Variants in POLR3H observed in about 807,000 individuals in gnomAD.
The protein encoded by POLR3H is DNA-directed RNA polymerase III subunit RPC8.
POLR3H carries 17 observed loss-of-function variants against 25.5 expected under a neutral mutation model. The observed-to-expected ratio is 0.67, with a 90% CI of 0.46 to 1.00. The LOEUF (loss-of-function observed/expected upper bound fraction) is 1.00. Among genes scored for constraint, POLR3H ranks in the 50% least tolerant of loss-of-function variants. The pLI is 0.00. For missense variants in POLR3H, 274 were observed against 265.0 expected (o/e 1.03, Z -0.24); for synonymous variants, 129 against 103.0 (o/e 1.25, Z -1.53).
chr22:41,528,385 G>C lies in POLR3H; in HGVS notation c.*898C>G. The C allele has an allele frequency of 6.5e-7, 1 of 1,531,724 alleles. No individual in the cohort carries two copies. Among genetic ancestry groups the C allele is most frequent in the Non-Finnish European group, 8.8e-7 (1 of 1,138,070 alleles). 94.9% of individuals were successfully genotyped at this position (1,531,724 alleles called of 1,614,324 possible). ...TTTGGTTTGCCTGCTGACCTCTTAG[G>C]TCCCCAGGCAGTGCCCTGTCTCCCT... On this transcript the variant is annotated 3_prime_UTR_variant, in exon 6 of 6. Transcript: ENST00000355209.
chr22:41,544,244 G>A lies in POLR3H; in HGVS notation c.-143C>T. On this transcript the variant is annotated 5_prime_UTR_variant, in exon 1 of 6. Coordinates refer to ENST00000355209, the MANE Select transcript of POLR3H (RefSeq NM_001018050.4). Reference sequence around the variant, plus strand: ...GGTGAGGTTGCACGGGGCGGTCTCGGGGGCCCGGTCCGGGCCATGCTCCGC... The same window carrying A: ...GGTGAGGTTGCACGGGGCGGTCTCGAGGGCCCGGTCCGGGCCATGCTCCGC... 3.3e-6 allele frequency: 2 copies of A among 599,470 alleles called. No homozygotes were observed. The highest frequency in any genetic ancestry group is 6.0e-6 in the Non-Finnish European group (2 of 333,782). 37.1% of individuals were successfully genotyped at this position (599,470 alleles called of 1,614,324 possible).
At position 41,529,309 on chromosome 22, in the gene POLR3H, G is replaced by A; in HGVS notation, c.589C>T (p.Leu197Phe). ...VGSISEPGLGLLSWWTSN is the reference protein window; with the variant it reads ...VGSISEPGLGFLSWWTSN ...TAGTTGCTGGTCCACCAGGAGAGAA[G>A]GCCCAGGCCTGGCTCACTGATGGAT... is the stretch of plus-strand genomic sequence containing the variant. Residue 197 changes from leucine to phenylalanine, a missense_variant, in exon 6 of 6, where the codon CTT (leucine) becomes TTT (phenylalanine). Transcript: ENST00000355209. 6.2e-7 allele frequency: 1 copy of A among 1,613,778 alleles called. No homozygotes were observed. The highest frequency in any genetic ancestry group is 8.5e-7 in the Non-Finnish European group (1 of 1,179,904).
chr22:41,530,559 G>T, intron 5 of POLR3H, 128 bp downstream of exon 5: 1 of 847,854 alleles, frequency 1.2e-6, no homozygotes, highest in Non-Finnish European at 1.8e-6. Context: ...GACCAGCCAA[G>T]ACCCCCCAAA....
chr22:41,540,673 A>G (rs1398292343), intron 2 of POLR3H, 26 bp downstream of exon 2: 2 of 1,566,254 alleles, frequency 1.3e-6, no homozygotes, highest in East Asian at 2.2e-5. Context: ...AAGAAGCCCA[A>G]TGCCCCAGGG....
At chr22:41,538,878 G>A (rs1036303334) in intron 2 of POLR3H, among the ~76,000 whole-genome samples, 3 of 152,162 alleles carry the variant, frequency 2.0e-5, no homozygotes, top group Non-Finnish European at 4.4e-5. Flanking sequence ...GGAATGTTCT[G>A]GCATCTCTGT....
In POLR3H at chr22:41,544,375, ACGCCACTCCACGCCC is replaced by A. The variant is rs1335451558; in HGVS notation, c.-289_-275del. 1.2e-5 allele frequency: 4 copies of A among 325,692 alleles called. No homozygotes were observed. Among genetic ancestry groups the A allele is most frequent in the African/African-American group, 4.6e-5 (2 of 43,744 alleles). 20.2% of individuals were successfully genotyped at this position (325,692 alleles called of 1,614,324 possible). On this transcript the variant is annotated 5_prime_UTR_variant, in exon 1 of 6. Transcript: ENST00000355209. ...CCGCCACGCCACGCCACTCCACGCC[ACGCCACTCCACGCCC>A]CGCACCCGCGCCACGTGCCGCCGCT...
chr22:41,529,232 G>A lies in POLR3H; in HGVS notation c.*51C>T, dbSNP rs769261248. 9.2e-6 allele frequency: 14 copies of A among 1,522,378 alleles called. No individual in the cohort carries two copies. The highest frequency in any genetic ancestry group is 1.8e-4 in the Middle Eastern group (1 of 5,490). The allele number at this position is 1,522,378 out of a possible 1,614,324, so 94.3% of individuals were successfully genotyped here. A position where few individuals can be genotyped will look rare whatever the true frequency, so the allele number is the denominator to read the frequency against. ...CTCAGCTGCTGTTGTCTTCACAGCC[G>A]GCCATACCACCTTCCCGCAGGCTGG... On this transcript the variant is annotated 3_prime_UTR_variant, in exon 6 of 6. Coordinates refer to ENST00000355209, the MANE Select transcript of POLR3H (RefSeq NM_001018050.4).
chr22:41,540,852 C>T (rs923350273), intron 1 of POLR3H, 57 bp from the exon 2 acceptor site: 20 of 1,328,518 alleles, frequency 1.5e-5, no homozygotes, highest in Non-Finnish European at 1.9e-5. Context: ...TGACCACAGG[C>T]CCAGCTCCCA....
At position 41,530,745 on chromosome 22, in the gene POLR3H, G is replaced by T; in HGVS notation, c.503C>A (p.Ala168Glu). ...VDTSPTGPSSADATTSSEELP... is the reference protein window; with the variant it reads ...VDTSPTGPSSEDATTSSEELP... ...CTCCTCACTGGAAGTGGTGGCATCT[G>T]CTGAGCTGGGCCCTGTGGGGGACGT... The change falls in exon 5 of 6, where the codon GCA (alanine) becomes GAA (glutamate). Residue 168 changes from alanine (A) to glutamate (E), a missense_variant. Transcript: ENST00000355209. 6.2e-7 allele frequency: 1 copy of T among 1,613,976 alleles called. No individual in the cohort carries two copies. The highest frequency in any genetic ancestry group is 8.5e-7 in the Non-Finnish European group (1 of 1,180,044).
chr22:41,532,985 G>C (rs1389945430), intron 2 of POLR3H, among the ~76,000 whole-genome samples: 3 of 152,204 alleles, frequency 2.0e-5, no homozygotes, highest in African/African-American at 7.2e-5. Context: ...CCTGAGCCCA[G>C]ATTCTGAGCC....
rs151134505 is a variant in POLR3H at position 41,527,276 on chromosome 22, C to T, written c.*2007G>A. 2,265 of 1,614,186 alleles carry T rather than the reference C, an allele frequency of 1.4e-3. 21 individuals carry two copies. The Middle Eastern group carries it at 0.02, about 14-fold the overall frequency. ...CCTCTGCCTTATAACCTTACCCCCG[C>T]TTGCCTGACAGAAACATGGCATCAG... On this transcript the variant is annotated 3_prime_UTR_variant, in exon 6 of 6. Coordinates refer to ENST00000355209, the MANE Select transcript of POLR3H (RefSeq NM_001018050.4).
chr22:41,527,611 C>A lies in POLR3H; in HGVS notation c.*1672G>T. The A allele has an allele frequency of 1.1e-6, 1 of 883,064 alleles. No individual in the cohort carries two copies. Among genetic ancestry groups the A allele is most frequent in the Non-Finnish European group, 1.7e-6 (1 of 594,270 alleles). 54.7% of individuals were successfully genotyped at this position (883,064 alleles called of 1,614,324 possible). ...GCTCAGCTTCCCGGCTTCCCGCAGG[C>A]CCTGCTTCCAGGCTTGTAGATCTGA... On this transcript the variant is annotated 3_prime_UTR_variant, in exon 6 of 6. Transcript: ENST00000355209.
intron 2 of POLR3H, among the ~76,000 whole-genome samples, chr22:41,533,877 G>C (rs1304408968): frequency 6.6e-6 from 1 of 152,240 alleles, no homozygotes; most frequent in Non-Finnish European, 1.5e-5. Flanking sequence ...GGTGGCTCAA[G>C]TCTGTAATCT....
At chr22:41,536,509 A>C (rs1181530149) in intron 2 of POLR3H, among the ~76,000 whole-genome samples, 2 of 151,800 alleles carry the variant, frequency 1.3e-5, no homozygotes, top group African/African-American at 4.8e-5. Context: ...ATTTCATGTT[A>C]TGTATATTTT....
intron 2 of POLR3H, among the ~76,000 whole-genome samples, chr22:41,534,892 C>CAA (rs56179192): frequency 7.1e-5 from 9 of 126,622 alleles, no homozygotes; most frequent in African/African-American, 2.9e-4. Flanking sequence ...GAAACTCTGT[C>CAA]AAAAAAAAAA....
intron 2 of POLR3H, among the ~76,000 whole-genome samples, chr22:41,538,325 G>C (rs556688539): frequency 6.6e-6 from 1 of 152,096 alleles, no homozygotes; most frequent in South Asian, 2.1e-4. Flanking sequence ...AGTAGAGACA[G>C]GGTTTCACCG....
intron 2 of POLR3H, among the ~76,000 whole-genome samples, chr22:41,538,571 T>G (rs554678455): frequency 6.6e-6 from 1 of 152,200 alleles, no homozygotes; most frequent in East Asian, 1.9e-4. Context: ...CAACTTGACT[T>G]TTTTCTCCAA....
intron 2 of POLR3H, chr22:41,539,908 G>A (rs4822035): frequency 0.19 from 28,623 of 154,344 alleles, 3,595 homozygotes; most frequent in Admixed American, 0.38. Flanking sequence ...AACAATCCAC[G>A]CTGATAAGTC....
At chr22:41,541,823 G>A (rs2066933819) in intron 1 of POLR3H, among the ~76,000 whole-genome samples, 1 of 152,168 alleles carries the variant, frequency 6.6e-6, no homozygotes, top group Non-Finnish European at 1.5e-5. Context: ...GACTCCATGA[G>A]TTCCCTTCAC....
Sources: allele counts gnomAD v4.1 joint callset (sites outside exome capture counted in the v4.1 genomes callset), GRCh38; gene constraint gnomAD v4.1.1; transcripts MANE v1.5; gene names NCBI Gene and HGNC (gene_info 2026-07-23, HGNC 2026-07-21).